The following HS3ST5 variants were observed in gnomAD, a reference collection of about 807,000 sequenced individuals.
The protein encoded by HS3ST5 is heparan sulfate glucosamine 3-O-sulfotransferase 5.
A neutral mutation model predicts 25.4 loss-of-function variants in HS3ST5; 10 were observed. The ratio of observed to expected loss-of-function variants is 0.39; its 90% confidence interval spans 0.24 to 0.67. The LOEUF is 0.67. HS3ST5 is among the 30% of genes least tolerant of loss of function. HS3ST5 has a pLI of 0.44. For missense variants in HS3ST5, 324 were observed against 420.7 expected (o/e 0.77, Z 2.01); for synonymous variants, 170 against 162.4 (o/e 1.05, Z -0.36).
intron 1 of HS3ST5, among the ~76,000 whole-genome samples, chr6:114,305,016 A>G (rs1401650827): frequency 6.6e-6 from 1 of 152,134 alleles, no homozygotes; most frequent in African/African-American, 2.4e-5. Context: ...CTTAAAGATT[A>G]GTTGCAATGT....
At chr6:114,224,784 A>T (rs1782212790) in intron 2 of HS3ST5, among the ~76,000 whole-genome samples, 2 of 151,526 alleles carry the variant, frequency 1.3e-5, no homozygotes, top group Non-Finnish European at 3.0e-5. Context: ...CATTGTCAGG[A>T]CATTATACTT....
rs533670671 is a variant in HS3ST5 at position 114,072,330 on chromosome 6, T to G, written c.-32-9453A>C. On this transcript the variant is annotated intron_variant, in intron 3 of 4. Transcript: ENST00000312719. ...AATTGAAAAAGCTCTTTTTATATTT[T>G]AACACAGATGGTAGAGTCATGTGGT... Among the ~76,000 whole-genome samples, 158 of 152,310 alleles carry G rather than the reference T, an allele frequency of 1.0e-3. 1 individual carries two copies. The Middle Eastern group carries it at 0.02, about 20-fold the overall frequency.
chr6:114,295,865 G>A (rs1426086704), intron 1 of HS3ST5, among the ~76,000 whole-genome samples: 2 of 152,148 alleles, frequency 1.3e-5, no homozygotes, highest in South Asian at 2.1e-4. Context: ...GCACCAAGTG[G>A]CAAATAAGAT....
At chr6:114,243,704 A>G (rs1772247720) in intron 1 of HS3ST5, among the ~76,000 whole-genome samples, 1 of 152,174 alleles carries the variant, frequency 6.6e-6, no homozygotes, top group Non-Finnish European at 1.5e-5. Context: ...GTCCACTGCT[A>G]TGTGCCTTTT....
chr6:114,257,925 A>T (rs185722374), intron 1 of HS3ST5, among the ~76,000 whole-genome samples: 10 of 152,084 alleles, frequency 6.6e-5, no homozygotes, highest in Admixed American at 2.6e-4. Flanking sequence ...ATAGATAGAT[A>T]GATTGATTGA....
chr6:114,160,740 A>C (rs1188919718), intron 3 of HS3ST5, among the ~76,000 whole-genome samples: 1 of 152,180 alleles, frequency 6.6e-6, no homozygotes, highest in Non-Finnish European at 1.5e-5. Context: ...ACATAAACAT[A>C]AAATTACCTG....
chr6:114,157,258 A>C (rs1562219261), intron 3 of HS3ST5, among the ~76,000 whole-genome samples: 1 of 151,592 alleles, frequency 6.6e-6, no homozygotes, highest in Non-Finnish European at 1.5e-5. Flanking sequence ...GTAACCTTCT[A>C]CTCTGTTTAC....
intron 1 of HS3ST5, among the ~76,000 whole-genome samples, chr6:114,232,568 A>T (rs964013512): frequency 6.6e-6 from 1 of 152,174 alleles, no homozygotes; most frequent in African/African-American, 2.4e-5. Flanking sequence ...TGTGTTTATA[A>T]CTAAATCCAT....
At chr6:114,221,427 C>T (rs73767096) in intron 2 of HS3ST5, among the ~76,000 whole-genome samples, 4,764 of 151,650 alleles carry the variant, frequency 0.031, 188 homozygotes, top group African/African-American at 0.091. Flanking sequence ...TAATGACATA[C>T]CTTCAAAATC....
At chr6:114,275,600 A>T (rs190973084) in intron 1 of HS3ST5, among the ~76,000 whole-genome samples, 79 of 152,040 alleles carry the variant, frequency 5.2e-4, no homozygotes, top group African/African-American at 1.9e-3. Context: ...CTTTCTGTAA[A>T]AGGCCAGATA....
chr6:114,162,366 G>A (rs370177873), intron 3 of HS3ST5, among the ~76,000 whole-genome samples: 1 of 152,158 alleles, frequency 6.6e-6, no homozygotes, highest in East Asian at 1.9e-4. Flanking sequence ...CTTCTGTCAC[G>A]TCTTCCTTTG....
intron 2 of HS3ST5, among the ~76,000 whole-genome samples, chr6:114,224,605 T>C (rs892012099): frequency 6.6e-6 from 1 of 151,466 alleles, no homozygotes; most frequent in East Asian, 1.9e-4. Flanking sequence ...TATAGTTTGA[T>C]TGTGAGTTTG....
intron 3 of HS3ST5, among the ~76,000 whole-genome samples, chr6:114,101,193 A>T (rs1562197032): frequency 6.6e-6 from 1 of 152,224 alleles, no homozygotes; most frequent in Non-Finnish European, 1.5e-5. Flanking sequence ...AAATTCTTAC[A>T]TTATTCAAAA....
In HS3ST5 at chr6:114,057,876, T is replaced by C. The variant is rs755039843; in HGVS notation, c.422A>G (p.Lys141Arg). ...NYGKGIEWYR[K>R]KMPFSYPQQI... Reference sequence around the variant, plus strand: ...CTGAGGGTAGGAAAAAGGCATCTTTTTCCTATACCACTCAATGCCCTTACC... The same window carrying C: ...CTGAGGGTAGGAAAAAGGCATCTTTCTCCTATACCACTCAATGCCCTTACC... Residue 141 changes from lysine to arginine, a missense_variant, in exon 5 of 5, where the codon AAA becomes AGA. This residue lies in a region of HS3ST5 where 203 missense variants were observed against 303.4 expected (regional missense o/e 0.67). Transcript: ENST00000312719. 2 of 1,614,188 alleles carry C rather than the reference T, an allele frequency of 1.2e-6. No individual in the cohort carries two copies. Among genetic ancestry groups the C allele is most frequent in the East Asian group, 2.2e-5 (1 of 44,882 alleles).
chr6:114,138,544 G>T (rs1264224187), intron 3 of HS3ST5, among the ~76,000 whole-genome samples: 1 of 152,160 alleles, frequency 6.6e-6, no homozygotes, highest in African/African-American at 2.4e-5. Context: ...TAACCATGCA[G>T]GAATATCTTA....
intron 2 of HS3ST5, among the ~76,000 whole-genome samples, chr6:114,206,497 A>C (rs1781281839): frequency 6.6e-6 from 1 of 152,146 alleles, no homozygotes; most frequent in Non-Finnish European, 1.5e-5. Flanking sequence ...TTATTAACTC[A>C]GTTTTGGGAT....
intron 3 of HS3ST5, among the ~76,000 whole-genome samples, chr6:114,096,520 G>A (rs1449400109): frequency 6.6e-6 from 1 of 152,078 alleles, no homozygotes; most frequent in Admixed American, 6.6e-5. Flanking sequence ...AAAATGAAGA[G>A]AGATGTTTAG....
chr6:114,160,656 A>G (rs766329751), intron 3 of HS3ST5, among the ~76,000 whole-genome samples: 1 of 152,210 alleles, frequency 6.6e-6, no homozygotes, highest in Non-Finnish European at 1.5e-5. Flanking sequence ...CTAATGCACC[A>G]TTAACATTTT....
intron 2 of HS3ST5, among the ~76,000 whole-genome samples, chr6:114,210,414 T>C (rs1781461160): frequency 6.6e-6 from 1 of 152,140 alleles, no homozygotes; most frequent in Admixed American, 6.6e-5. Context: ...CTGAAAAAAA[T>C]GGACAAGAAA....
Sources: gnomAD v4.1 joint callset for allele counts (sites outside exome capture counted in the v4.1 genomes callset) on GRCh38, gnomAD v4.1.1 for gene constraint, gnomAD v4.1.1 regional missense constraint, MANE v1.5 for transcripts, NCBI Gene and HGNC (gene_info 2026-07-23, HGNC 2026-07-21) for gene names.